NAV2: variants seen among roughly 807,000 people sequenced by gnomAD.
NAV2 encodes the protein helicase, APC down-regulated 1.
NAV2 carries 54 observed loss-of-function variants against 223.2 expected under a neutral mutation model. That is an observed-to-expected ratio of 0.24 (90% confidence interval 0.19 to 0.30). NAV2 has a LOEUF of 0.30. Among genes scored for constraint, NAV2 ranks in the 10% least tolerant of loss-of-function variants. The probability of loss-of-function intolerance (pLI) is 1.00; values close to 1 mark genes in which losing one functional copy is unlikely to be tolerated. For synonymous variants in NAV2, 1,279 were observed against 1,239.3 expected (o/e 1.03, Z -0.67); for missense variants, 2,806 against 3,147.5 (o/e 0.89, Z 2.60).
chr11:19,847,170 G>T (rs908116531), intron 3 of NAV2, among the ~76,000 whole-genome samples: 2 of 152,186 alleles, frequency 1.3e-5, no homozygotes, highest in African/African-American at 4.8e-5. Context: ...GTGGGTGCTG[G>T]GGCGGCCCTG....
At chr11:19,839,478 C>T (rs2060402821) in intron 2 of NAV2, among the ~76,000 whole-genome samples, 1 of 152,144 alleles carries the variant, frequency 6.6e-6, no homozygotes, top group Admixed American at 6.5e-5. Flanking sequence ...GCTTCTTTTC[C>T]ACCACCATTT....
chr11:20,013,637 G>A (rs2053762201), intron 11 of NAV2, among the ~76,000 whole-genome samples: 1 of 152,170 alleles, frequency 6.6e-6, no homozygotes, highest in Admixed American at 6.5e-5. Context: ...ACGACCTCAT[G>A]GAGCTGTAGG....
chr11:19,407,338 G>A (rs1462551145), intron 1 of NAV2, among the ~76,000 whole-genome samples: 2 of 152,126 alleles, frequency 1.3e-5, no homozygotes, highest in Non-Finnish European at 1.5e-5. Context: ...AAGCAGCACC[G>A]AATGCCAACT....
chr11:19,957,137 A>C (rs541711896), intron 10 of NAV2, among the ~76,000 whole-genome samples: 1 of 152,300 alleles, frequency 6.6e-6, no homozygotes, highest in South Asian at 2.1e-4. Flanking sequence ...AGACAGACTT[A>C]AAAGATGCAA....
chr11:19,510,303 A>G (rs2043238927), intron 1 of NAV2, among the ~76,000 whole-genome samples: 3 of 152,150 alleles, frequency 2.0e-5, no homozygotes, highest in African/African-American at 7.2e-5. Flanking sequence ...TTTTATGTCT[A>G]TTTTAAACAT....
chr11:19,823,195 C>T (rs1324053934), intron 1 of NAV2, among the ~76,000 whole-genome samples: 2 of 152,102 alleles, frequency 1.3e-5, no homozygotes, highest in Non-Finnish European at 2.9e-5. Context: ...CAGGCACATG[C>T]TACCACACCT....
chr11:19,491,573 C>T (rs1322625499), intron 1 of NAV2, among the ~76,000 whole-genome samples: 4 of 152,102 alleles, frequency 2.6e-5, no homozygotes, highest in Admixed American at 6.6e-5. Context: ...AGATTTAGGT[C>T]GTGTCTCTAA....
At chr11:19,951,823 A>T (rs928074843) in intron 10 of NAV2, among the ~76,000 whole-genome samples, 4 of 152,246 alleles carry the variant, frequency 2.6e-5, no homozygotes, top group Non-Finnish European at 5.9e-5. Flanking sequence ...ACGTTTTAGC[A>T]TGTGTGATAG....
chr11:20,080,459 C>T (rs2060021125), intron 25 of NAV2, among the ~76,000 whole-genome samples: 1 of 152,170 alleles, frequency 6.6e-6, no homozygotes, highest in Non-Finnish European at 1.5e-5. Flanking sequence ...TCATAAAGTA[C>T]TCATCTTTCA....
chr11:20,083,209 C>T (rs548901841), intron 26 of NAV2, 30 bp downstream of exon 26: 1 of 1,584,662 alleles, frequency 6.3e-7, no homozygotes, highest in East Asian at 2.2e-5. Context: ...CAGATAACAT[C>T]TTTGGCCCCT....
intron 1 of NAV2, among the ~76,000 whole-genome samples, chr11:19,793,740 C>G (rs2057710999): frequency 6.6e-6 from 1 of 152,206 alleles, no homozygotes; most frequent in Non-Finnish European, 1.5e-5. Flanking sequence ...ATCCGATTCC[C>G]CTGTCCTGGC....
At chr11:19,786,893 C>T (rs556914362) in intron 1 of NAV2, among the ~76,000 whole-genome samples, 1 of 151,846 alleles carries the variant, frequency 6.6e-6, no homozygotes, top group Non-Finnish European at 1.5e-5. Flanking sequence ...GGGAGGTGGA[C>T]GGGGGTGGGT....
rs575507944 is a variant in NAV2 at position 19,853,203 on chromosome 11, T to C, written c.438+10280T>C. 6.6e-4 allele frequency among the ~76,000 whole-genome samples: 101 copies of C among 152,348 alleles called. 1 individual carries two copies. Among genetic ancestry groups the C allele is most frequent in the African/African-American group, 2.3e-3 (94 of 41,576 alleles). ...GCATTTTTGACAGTCTCCTGGGTGC[T>C]GATCATGTTACTGCTCTGGTGACCA... On this transcript the variant is annotated intron_variant, in intron 3 of 37. Transcript: ENST00000349880.
At chr11:20,058,656 G>C (rs1484135883) in intron 19 of NAV2, among the ~76,000 whole-genome samples, 1 of 152,212 alleles carries the variant, frequency 6.6e-6, no homozygotes, top group Non-Finnish European at 1.5e-5. Flanking sequence ...CAGCATGCTT[G>C]TGTATCTAGG....
intron 8 of NAV2, among the ~76,000 whole-genome samples, chr11:19,941,762 A>G (rs1263786858): frequency 6.6e-6 from 1 of 152,066 alleles, no homozygotes; most frequent in Non-Finnish European, 1.5e-5. Context: ...CTTGGACAAA[A>G]TGTTGTTCCT....
chr11:20,066,276 T>C (rs1271414877), intron 20 of NAV2, among the ~76,000 whole-genome samples: 2 of 152,186 alleles, frequency 1.3e-5, no homozygotes, highest in South Asian at 2.1e-4. Context: ...AATCAGTAAG[T>C]ATTTGATAGG....
At chr11:19,944,205 A>C (rs1376535994) in intron 8 of NAV2, among the ~76,000 whole-genome samples, 1 of 152,140 alleles carries the variant, frequency 6.6e-6, no homozygotes, top group Admixed American at 6.5e-5. Context: ...TGTCTCAAAA[A>C]AAGAAAGAAA....
chr11:19,681,909 G>A (rs1199521320), intron 1 of NAV2, among the ~76,000 whole-genome samples: 2 of 152,108 alleles, frequency 1.3e-5, no homozygotes, highest in Admixed American at 1.3e-4. Context: ...ATAGAAATTA[G>A]GACACCTCCA....
intron 1 of NAV2, among the ~76,000 whole-genome samples, chr11:19,694,279 C>A (rs80066524): frequency 0.02 from 3,094 of 152,306 alleles, 55 homozygotes; most frequent in Non-Finnish European, 0.032. Context: ...AAATTACACC[C>A]ACTGCAAGGC....
Sources: allele counts gnomAD v4.1 joint callset (sites outside exome capture counted in the v4.1 genomes callset), GRCh38; gene constraint gnomAD v4.1.1; transcripts MANE v1.5; gene names NCBI Gene and HGNC (gene_info 2026-07-23, HGNC 2026-07-21).